The following BOP1 variants were observed in gnomAD, a reference collection of about 807,000 sequenced individuals.
BOP1 encodes BOP1 ribosomal biogenesis factor, also known as ribosome biogenesis protein BOP1.
Under a neutral mutation model 82.9 loss-of-function variants are expected in BOP1, and 54 were observed. That is an observed-to-expected ratio of 0.65 (90% CI 0.52 to 0.82). The LOEUF is 0.82. Ranked by LOEUF, BOP1 falls within the 40% of genes least tolerant of loss-of-function variation. BOP1 has a pLI of 0.00. For synonymous variants in BOP1, 566 were observed against 451.1 expected (o/e 1.25, Z -3.23); for missense variants, 1,170 against 1,072.0 (o/e 1.09, Z -1.28).
intron 3 of BOP1, chr8:144,266,549 C>G (rs1407976126): frequency 2.0e-6 from 2 of 998,076 alleles, no homozygotes. Context: ...GCGAGGCCCG[C>G]GGCGGCCGCA....
At chr8:144,274,766 C>T (rs1208439910) in intron 3 of BOP1, among the ~76,000 whole-genome samples, 1 of 152,246 alleles carries the variant, frequency 6.6e-6, no homozygotes, top group Non-Finnish European at 1.5e-5. Context: ...CCTGGCAAAG[C>T]ACCCCCAGGG....
intron 3 of BOP1, among the ~76,000 whole-genome samples, chr8:144,268,791 T>C (rs1187411669): frequency 1.3e-5 from 2 of 151,772 alleles, no homozygotes; most frequent in African/African-American, 4.8e-5. Flanking sequence ...AGGGACGCTG[T>C]AAGGCAGGGA....
At position 144,289,196 on chromosome 8, in the gene BOP1, T is replaced by C. The variant is rs782233220; in HGVS notation, c.208A>G (p.Ser70Gly). ...FSGLEDSGSD[S>G]SEDDDEGDEE... ...TCGCCTTCGTCATCATCCTCACTGC[T>C]GTCACTGCCGGAATCTTCCAGGCCT... Residue 70 changes from serine (S) to glycine (G), a missense_variant, in exon 2 of 16, where the codon AGC becomes GGC. By Grantham distance (56) the Ser-to-Gly change is moderately conservative. Coordinates refer to ENST00000569669, the MANE Select transcript of BOP1 (RefSeq NM_015201.5). The C allele has an allele frequency of 9.3e-6, 15 of 1,614,202 alleles. No homozygotes were observed. The South Asian group carries it at 1.6e-4, about 18-fold the overall frequency.
rs1815061165 is a variant in BOP1, at chr8:144,291,211, G to T, written c.99+61C>A. ...AAGCCGGGCCCACCCGCCCCAGCGC[G>T]GCCACGTGCCCGCCGGGCCCTCTAG... On this transcript the variant is annotated intron_variant, in intron 1 of 15. Coordinates refer to ENST00000569669, the MANE Select transcript of BOP1 (RefSeq NM_015201.5). The surrounding 1 kb of genome is among the most constrained non-coding windows in gnomAD (Gnocchi z 4.1). 2.2e-6 allele frequency: 3 copies of T among 1,334,234 alleles called. No individual in the cohort carries two copies. Among genetic ancestry groups the T allele is most frequent in the Non-Finnish European group, 2.9e-6 (3 of 1,042,794 alleles). 82.6% of individuals were successfully genotyped at this position (1,334,234 alleles called of 1,614,324 possible).
At position 144,288,403 on chromosome 8, in the gene BOP1, C is replaced by A. The variant is rs150750991; in HGVS notation, c.309+692G>T. Among the ~76,000 whole-genome samples the A allele has an allele frequency of 4.8e-4, 73 of 151,956 alleles. No individual in the cohort carries two copies. The Middle Eastern group carries it at 0.01, about 21-fold the overall frequency. On this transcript the variant is annotated intron_variant, in intron 2 of 15. Transcript: ENST00000569669. Reference sequence around the variant, plus strand: ...ATTAGCCGGGCGTGATGGCATGTACCTGTAATCCCAGCTACTAGAGAGGCT... The same window carrying A: ...ATTAGCCGGGCGTGATGGCATGTACATGTAATCCCAGCTACTAGAGAGGCT...
intron 3 of BOP1, chr8:144,266,459 G>A (rs1845366371): frequency 1.0e-6 from 1 of 971,638 alleles, no homozygotes; most frequent in Admixed American, 6.2e-5. Flanking sequence ...CTCCGGCCCG[G>A]GACGCACATG....
chr8:144,273,942 G>A (rs1374517118), intron 3 of BOP1, among the ~76,000 whole-genome samples: 1 of 152,232 alleles, frequency 6.6e-6, no homozygotes, highest in African/African-American at 2.4e-5. Context: ...TCTCCTGTGA[G>A]GGGCTGCTCA....
In BOP1 at chr8:144,264,156, GAC is replaced by G; in HGVS notation, c.979-16_979-15del. ...CCACGCCAAGCGCTGTGGAGACCAA[GAC>G]ACAGGGGTGGGGAGGGTCACAGGGA... On this transcript the variant is annotated splice_polypyrimidine_tract_variant and intron_variant, in intron 7 of 15. Transcript: ENST00000569669. 1 of 1,610,646 alleles carries G rather than the reference GAC, an allele frequency of 6.2e-7. No individual in the cohort carries two copies. The highest frequency in any genetic ancestry group is 1.3e-5 in the African/African-American group (1 of 75,016).
At chr8:144,277,971 T>C (rs67876041) in intron 2 of BOP1, among the ~76,000 whole-genome samples, 81,169 of 151,984 alleles carry the variant, frequency 0.53, 22,355 homozygotes, top group African/African-American at 0.66. Context: ...CAACGGAACA[T>C]GAGCCCACGC....
At chr8:144,267,327 G>GACACTCCTCCCTCCCCTCTGCAGA in intron 3 of BOP1, 2 of 1,017,998 alleles carry the variant, frequency 2.0e-6, no homozygotes, top group Non-Finnish European at 2.6e-6. Flanking sequence ...GCCGGGGGCT[G>GACACTCCTCCCTCCCCTCTGCAGA]GGGCCTTCTC....
intron 3 of BOP1, among the ~76,000 whole-genome samples, chr8:144,270,805 T>TCCC (rs1253128138): frequency 1.8e-4 from 27 of 150,588 alleles, no homozygotes; most frequent in Non-Finnish European, 3.4e-4. Flanking sequence ...GACCCAGGGC[T>TCCC]CCCTCCGCCT....
chr8:144,275,110 G>A (rs1845548909), intron 3 of BOP1, among the ~76,000 whole-genome samples: 2 of 152,110 alleles, frequency 1.3e-5, no homozygotes, highest in Admixed American at 6.5e-5. Context: ...AAGAACCTGG[G>A]GGGAGGGGGG....
chr8:144,267,003 G>A, intron 3 of BOP1: 3 of 1,543,072 alleles, frequency 1.9e-6, no homozygotes, highest in East Asian at 2.6e-5. Context: ...TGGGCAACGT[G>A]CTGCTGGCGG....
intron 3 of BOP1, among the ~76,000 whole-genome samples, chr8:144,273,846 G>A (rs1845531530): frequency 6.6e-6 from 1 of 152,208 alleles, no homozygotes; most frequent in Non-Finnish European, 1.5e-5. Context: ...GCCTCCTCCA[G>A]GGGCTCCGCC....
At chr8:144,266,954 T>C in intron 3 of BOP1, 1 of 1,559,628 alleles carries the variant, frequency 6.4e-7, no homozygotes, top group Non-Finnish European at 8.6e-7. Context: ...CTCTCCAAGA[T>C]TGAGACGCTG....
chr8:144,262,743 A>G, intron 13 of BOP1, 71 bp from the exon 14 acceptor site: 2 of 1,443,658 alleles, frequency 1.4e-6, no homozygotes, highest in Non-Finnish European at 1.9e-6. Context: ...CCCGTCACCT[A>G]CACCCCTCAC....
Position 144,289,296 on chromosome 8 carries a change from G to T in BOP1, c.108C>A (p.Leu36=), listed in dbSNP as rs782524544. The T allele has an allele frequency of 1.1e-5, 17 of 1,613,806 alleles. No individual in the cohort carries two copies. In the South Asian group the frequency reaches 1.5e-4, roughly 15 times the overall value. Residue 36 remains leucine (L), a synonymous_variant, in exon 2 of 16, where the codon CTC becomes CTA. Transcript: ENST00000569669. ...LEPEPEPEPP[L]LCTSPLSHST... ...TGTGGCTGAGAGGAGAGGTGCAGAG[G>T]AGGGGGGGCTGCAAGGAAACACTGG...
At chr8:144,290,215 G>C (rs542643729) in intron 1 of BOP1, among the ~76,000 whole-genome samples, 113 of 152,078 alleles carry the variant, frequency 7.4e-4, no homozygotes, top group African/African-American at 2.5e-3. Context: ...AAATTAGCTG[G>C]TGGTGGCGGG....
Position 144,291,217 on chromosome 8 carries a change from G to A in BOP1, c.99+55C>T. ...GGCCCACCCGCCCCAGCGCGGCCAC[G>A]TGCCCGCCGGGCCCTCTAGGGACGC... is the stretch of plus-strand genomic sequence containing the variant. On this transcript the variant is annotated intron_variant, in intron 1 of 15. Coordinates refer to ENST00000569669, the MANE Select transcript of BOP1 (RefSeq NM_015201.5). The surrounding 1 kb of genome is among the most constrained non-coding windows in gnomAD (Gnocchi z 4.1). The A allele has an allele frequency of 3.0e-6, 4 of 1,349,498 alleles. No homozygotes were observed. Among genetic ancestry groups the A allele is most frequent in the Non-Finnish European group, 2.9e-6 (3 of 1,052,502 alleles). The allele number at this position is 1,349,498 out of a possible 1,614,324, so 83.6% of individuals were successfully genotyped here.
Sources: allele counts gnomAD v4.1 joint callset (sites outside exome capture counted in the v4.1 genomes callset), GRCh38; gene constraint gnomAD v4.1.1; non-coding constraint Gnocchi (gnomAD v3.1); transcripts MANE v1.5; gene names NCBI Gene and HGNC (gene_info 2026-07-23, HGNC 2026-07-21).